Variants in ZNF521 observed in about 807,000 individuals in gnomAD.
ZNF521 encodes the protein zinc finger protein 521, also known as LYST-interacting protein 3.
ZNF521 carries 14 observed loss-of-function variants against 105.5 expected under a neutral mutation model. The observed-to-expected ratio is 0.13, with a 90% CI of 0.09 to 0.21. ZNF521 has a LOEUF of 0.21. Among genes scored for constraint, ZNF521 ranks in the 10% least tolerant of loss-of-function variants. The pLI, the probability that ZNF521 is intolerant of heterozygous loss-of-function variation, is 1.00. For synonymous variants in ZNF521, 635 were observed against 606.0 expected, an observed-to-expected ratio of 1.05 and a Z score of -0.70; for missense variants, 1,233 against 1,629.7, an observed-to-expected ratio of 0.76 and a Z score of 4.19.
chr18:25,191,129 T>G (rs1360108872), intron 5 of ZNF521, among the ~76,000 whole-genome samples: 2 of 152,186 alleles, frequency 1.3e-5, no homozygotes, highest in Non-Finnish European at 2.9e-5. Context: ...AAACGGGGTA[T>G]CCTGACACTT....
chr18:25,149,716 G>A (rs910682042), intron 5 of ZNF521, among the ~76,000 whole-genome samples: 1 of 152,128 alleles, frequency 6.6e-6, no homozygotes, highest in African/African-American at 2.4e-5. Flanking sequence ...AGAAGCTGGG[G>A]GCCACAGCTA....
Position 25,323,620 on chromosome 18 carries a change from G to A in ZNF521, c.41-1433C>T, listed in dbSNP as rs141472739. Among the ~76,000 whole-genome samples, 881 of 152,088 alleles carry A rather than the reference G, an allele frequency of 5.8e-3. 12 individuals carry two copies. The highest frequency in any genetic ancestry group is 0.019 in the African/African-American group (783 of 41,488). ...CCATGCCCAGCTATTTAACACTTTA[G>A]ATATTTCATTAAATGTTACAATCAA... On this transcript the variant is annotated intron_variant, in intron 2 of 7. Transcript: ENST00000361524.
intron 3 of ZNF521, among the ~76,000 whole-genome samples, chr18:25,291,752 C>A (rs1012038211): frequency 2.0e-5 from 3 of 152,220 alleles, no homozygotes; most frequent in Admixed American, 6.5e-5. Context: ...ATTATTTATA[C>A]AACATAAGCC....
intron 3 of ZNF521, among the ~76,000 whole-genome samples, chr18:25,320,329 C>G (rs765864142): frequency 6.6e-6 from 1 of 152,066 alleles, no homozygotes; most frequent in Admixed American, 6.6e-5. Flanking sequence ...CGTGCCACCA[C>G]GCACGGCTAA....
intron 3 of ZNF521, among the ~76,000 whole-genome samples, chr18:25,288,597 A>G (rs74463279): frequency 1.5e-5 from 2 of 131,484 alleles, no homozygotes; most frequent in African/African-American, 2.9e-5. Context: ...CCAGCTTTGA[A>G]AAAAAAAAAA....
chr18:25,331,187 G>C (rs890857862), intron 2 of ZNF521, among the ~76,000 whole-genome samples: 7 of 152,068 alleles, frequency 4.6e-5, no homozygotes, highest in African/African-American at 1.7e-4. Flanking sequence ...GTAGTTCCAT[G>C]CTCAATCTTA....
chr18:25,116,254 C>G (rs2034299447), intron 5 of ZNF521, among the ~76,000 whole-genome samples: 1 of 151,880 alleles, frequency 6.6e-6, no homozygotes, highest in Non-Finnish European at 1.5e-5. Flanking sequence ...GGAATAGAAT[C>G]CAGGGTGAGA....
At chr18:25,339,578 G>A (rs563040087) in intron 2 of ZNF521, among the ~76,000 whole-genome samples, 1 of 152,298 alleles carries the variant, frequency 6.6e-6, no homozygotes, top group Non-Finnish European at 1.5e-5. Flanking sequence ...TCAACTGCTA[G>A]CACTCTTAGA....
chr18:25,077,361 C>A (rs1320244020), intron 7 of ZNF521, among the ~76,000 whole-genome samples: 1 of 152,188 alleles, frequency 6.6e-6, no homozygotes, highest in Non-Finnish European at 1.5e-5. Flanking sequence ...GCTACAAAGT[C>A]CAGGCCAGAC....
At chr18:25,338,029 T>A (rs1037094211) in intron 2 of ZNF521, among the ~76,000 whole-genome samples, 1 of 152,060 alleles carries the variant, frequency 6.6e-6, no homozygotes, top group Admixed American at 6.6e-5. Flanking sequence ...GAAAAAACAC[T>A]CACATATATA....
At chr18:25,320,505 T>C (rs1236910691) in intron 3 of ZNF521, among the ~76,000 whole-genome samples, 1 of 152,148 alleles carries the variant, frequency 6.6e-6, no homozygotes, top group Non-Finnish European at 1.5e-5. Flanking sequence ...GTAAGTATAC[T>C]ATAGATATGT....
intron 5 of ZNF521, among the ~76,000 whole-genome samples, chr18:25,124,174 A>C (rs1398311870): frequency 6.6e-6 from 1 of 152,044 alleles, no homozygotes; most frequent in Non-Finnish European, 1.5e-5. Context: ...AAAAATCTCT[A>C]GTCATCTTTT....
At chr18:25,332,838 A>G (rs1390168024) in intron 2 of ZNF521, among the ~76,000 whole-genome samples, 3 of 152,154 alleles carry the variant, frequency 2.0e-5, no homozygotes, top group Non-Finnish European at 4.4e-5. Context: ...ACAAGTAATA[A>G]AGACACGAGT....
intron 4 of ZNF521, among the ~76,000 whole-genome samples, chr18:25,210,062 T>C (rs2036151589): frequency 6.6e-6 from 1 of 152,184 alleles, no homozygotes; most frequent in South Asian, 2.1e-4. Flanking sequence ...GAAAAAATTA[T>C]ATAAATATAT....
intron 5 of ZNF521, among the ~76,000 whole-genome samples, chr18:25,098,289 C>A (rs1445705853): frequency 6.6e-6 from 1 of 152,146 alleles, no homozygotes; most frequent in East Asian, 1.9e-4. Context: ...AGCACACAGA[C>A]TACAATGTTT....
At chr18:25,349,454 T>C (rs1040502087) in intron 2 of ZNF521, among the ~76,000 whole-genome samples, 4 of 152,194 alleles carry the variant, frequency 2.6e-5, no homozygotes, top group African/African-American at 7.2e-5. Context: ...GTTCCCGAAC[T>C]AAAACTTCTG....
chr18:25,143,009 C>CAAA (rs1011732541), intron 5 of ZNF521, among the ~76,000 whole-genome samples: 9 of 152,098 alleles, frequency 5.9e-5, no homozygotes, highest in Non-Finnish European at 1.3e-4. Context: ...ATGTTGTTAT[C>CAAA]AACAGATATG....
chr18:25,255,015 G>A (rs1269443758), intron 3 of ZNF521, among the ~76,000 whole-genome samples: 1 of 152,138 alleles, frequency 6.6e-6, no homozygotes, highest in African/African-American at 2.4e-5. Context: ...TACTGTATGT[G>A]CAATTTTAAT....
chr18:25,062,495 C>A lies in ZNF521; in HGVS notation c.*217G>T. The A allele has an allele frequency of 1.9e-6, 1 of 539,544 alleles. No homozygotes were observed. Among genetic ancestry groups the A allele is most frequent in the South Asian group, 3.0e-5 (1 of 32,974 alleles). 33.4% of individuals were successfully genotyped at this position (539,544 alleles called of 1,614,324 possible). A position where few individuals can be genotyped will look rare whatever the true frequency, so the allele number is the denominator to read the frequency against. On this transcript the variant is annotated 3_prime_UTR_variant, in exon 8 of 8. Transcript: ENST00000361524. The stretch of plus-strand genomic sequence containing the variant: ...TTTATAAGACCATTTTAGTATCAGA[C>A]GACATAATACATGTGCAACACTTTA...
Sources: gnomAD v4.1 joint callset for allele counts (sites outside exome capture counted in the v4.1 genomes callset) on GRCh38, gnomAD v4.1.1 for gene constraint, MANE v1.5 for transcripts, NCBI Gene and HGNC (gene_info 2026-07-23, HGNC 2026-07-21) for gene names.